MKLN1: variants seen among roughly 807,000 people sequenced by gnomAD.
MKLN1 encodes the protein muskelin 1.
In MKLN1, 18 loss-of-function variants were observed where a neutral mutation model predicts 99.0. That is an observed-to-expected ratio of 0.18 (90% confidence interval 0.13 to 0.27). MKLN1 has a LOEUF of 0.27. MKLN1 is among the 10% of genes least tolerant of loss of function. The pLI, the probability that MKLN1 is intolerant of heterozygous loss-of-function variation, is 1.00. For synonymous variants in MKLN1, 288 were observed against 293.2 expected, an observed-to-expected ratio of 0.98 and a Z score of 0.18; for missense variants, 621 against 875.9, an observed-to-expected ratio of 0.71 and a Z score of 3.67.
intron 1 of MKLN1, among the ~76,000 whole-genome samples, chr7:131,135,759 TA>T (rs1185869788): frequency 1.3e-5 from 2 of 152,092 alleles, no homozygotes; most frequent in African/African-American, 4.8e-5. Context: ...AGTGGAGTAA[TA>T]GGGGCAAAAG....
intron 2 of MKLN1, among the ~76,000 whole-genome samples, chr7:131,153,517 T>C (rs190995478): frequency 6.6e-6 from 1 of 152,194 alleles, no homozygotes; most frequent in Non-Finnish European, 1.5e-5. Context: ...ATACATATAA[T>C]ACAAAACCTT....
At chr7:131,333,789 C>T (rs182723303) in intron 1 of MKLN1, among the ~76,000 whole-genome samples, 290 of 152,266 alleles carry the variant, frequency 1.9e-3, no homozygotes, top group African/African-American at 6.6e-3. Context: ...CCGCCCACCT[C>T]GGCCTTCCAA....
intron 3 of MKLN1, among the ~76,000 whole-genome samples, chr7:131,271,094 A>T (rs1320603365): frequency 6.6e-6 from 1 of 152,214 alleles, no homozygotes; most frequent in Non-Finnish European, 1.5e-5. Context: ...ATCACAGTCC[A>T]GTTGAGGAGA....
chr7:131,281,462 A>G (rs946331254), intron 3 of MKLN1, among the ~76,000 whole-genome samples: 4 of 152,146 alleles, frequency 2.6e-5, no homozygotes, highest in African/African-American at 9.7e-5. Context: ...ATCAGGAACT[A>G]TGCCTCTTCC....
At chr7:131,414,570 G>C in intron 7 of MKLN1, 75 bp from the exon 8 acceptor site, 1 of 1,012,582 alleles carries the variant, frequency 9.9e-7, no homozygotes, top group South Asian at 1.4e-5. Context: ...ACTGATTACA[G>C]ACTTATGAAT....
At chr7:131,111,274 C>A (rs1403675609) in intron 1 of MKLN1, among the ~76,000 whole-genome samples, 1 of 152,208 alleles carries the variant, frequency 6.6e-6, no homozygotes, top group African/African-American at 2.4e-5. Flanking sequence ...CCGTGGAAAT[C>A]AAACTGCTCA....
In MKLN1 at chr7:131,304,635, TAAAGA is replaced by T. The variant is rs778817783; in HGVS notation, c.-178-70785_-178-70781del. On this transcript the variant is annotated intron_variant, in intron 3 of 7. Coordinates refer to the MKLN1 transcript ENST00000416992. ...ACTGCCCTTTAACAGTTAGCACTGT[TAAAGA>T]AAACATGAATTTTGAGTGATCCTGG... 2.0e-4 allele frequency among the ~76,000 whole-genome samples: 30 copies of T among 152,328 alleles called. No individual in the cohort carries two copies. In the East Asian group the frequency reaches 5.0e-3, roughly 25 times the overall value.
At chr7:131,231,119 C>CAAAAA (rs58048470) in intron 3 of MKLN1, among the ~76,000 whole-genome samples, 1,118 of 59,960 alleles carry the variant, frequency 0.019, 55 homozygotes, top group African/African-American at 0.037. Context: ...GACTCTGTCT[C>CAAAAA]AAAAAAAAAA....
At chr7:131,261,697 T>C (rs970036632) in intron 3 of MKLN1, among the ~76,000 whole-genome samples, 1 of 152,210 alleles carries the variant, frequency 6.6e-6, no homozygotes, top group Non-Finnish European at 1.5e-5. Context: ...TGCATGCATA[T>C]GTTCACTGAA....
chr7:131,372,880 TTTTC>T (rs1160634908), intron 1 of MKLN1, among the ~76,000 whole-genome samples: 2 of 151,182 alleles, frequency 1.3e-5, no homozygotes, highest in Non-Finnish European at 2.9e-5. Context: ...TTCTTTTTCT[TTTTC>T]TTTCTTTTCT....
chr7:131,422,907 A>T (rs1274425483), intron 8 of MKLN1, among the ~76,000 whole-genome samples: 2 of 152,146 alleles, frequency 1.3e-5, no homozygotes, highest in African/African-American at 2.4e-5. Flanking sequence ...GTCCTACTGA[A>T]TTTGTCCTAC....
intron 3 of MKLN1, among the ~76,000 whole-genome samples, chr7:131,267,635 T>C (rs1290615474): frequency 6.6e-6 from 1 of 152,222 alleles, no homozygotes; most frequent in Non-Finnish European, 1.5e-5. Context: ...GGTGTTCTGT[T>C]GGGCAGGTCA....
intron 2 of MKLN1, among the ~76,000 whole-genome samples, chr7:131,192,337 T>C (rs1461171687): frequency 2.2e-4 from 23 of 102,570 alleles, no homozygotes; most frequent in African/African-American, 8.3e-4. Flanking sequence ...TATATAAATA[T>C]ATAAAATATA....
chr7:131,127,778 T>C (rs1795486702), intron 1 of MKLN1, among the ~76,000 whole-genome samples: 1 of 152,216 alleles, frequency 6.6e-6, no homozygotes. Context: ...GTTCCAACTA[T>C]GTGGCTTCGA....
At chr7:131,339,519 T>C (rs2116720114) in intron 1 of MKLN1, among the ~76,000 whole-genome samples, 1 of 152,134 alleles carries the variant, frequency 6.6e-6, no homozygotes, top group South Asian at 2.1e-4. Flanking sequence ...GCCAACATAG[T>C]GAAACCCCGT....
chr7:131,416,079 A>G (rs1021520145), intron 8 of MKLN1, among the ~76,000 whole-genome samples: 1 of 152,132 alleles, frequency 6.6e-6, no homozygotes, highest in Non-Finnish European at 1.5e-5. Flanking sequence ...TACAGGTGTG[A>G]GCTACCATGT....
intron 3 of MKLN1, among the ~76,000 whole-genome samples, chr7:131,317,514 A>G (rs1018961909): frequency 6.6e-6 from 1 of 152,172 alleles, no homozygotes; most frequent in Non-Finnish European, 1.5e-5. Context: ...CCAAAATATA[A>G]AGACCAGTGA....
chr7:131,266,324 C>T (rs1398008813), intron 3 of MKLN1, among the ~76,000 whole-genome samples: 1 of 152,068 alleles, frequency 6.6e-6, no homozygotes, highest in Non-Finnish European at 1.5e-5. Flanking sequence ...ATTTACTTAA[C>T]ATCTCTCAAC....
intron 1 of MKLN1, among the ~76,000 whole-genome samples, chr7:131,112,333 G>A (rs1259042014): frequency 6.6e-6 from 1 of 152,100 alleles, no homozygotes. Flanking sequence ...AATTTTAGCT[G>A]GATTTTGCAA....
Sources: gnomAD v4.1 joint callset for allele counts (sites outside exome capture counted in the v4.1 genomes callset) on GRCh38, gnomAD v4.1.1 for gene constraint, MANE v1.5 for transcripts, NCBI Gene and HGNC (gene_info 2026-07-23, HGNC 2026-07-21) for gene names.